Variants in FAM81A observed in about 807,000 individuals in gnomAD.
The protein encoded by FAM81A is protein FAM81A.
FAM81A carries 19 observed loss-of-function variants against 46.7 expected under a neutral mutation model. The observed-to-expected ratio is 0.41, with a 90% CI of 0.28 to 0.60. The LOEUF (loss-of-function observed/expected upper bound fraction) is 0.60, where lower values mean the gene tolerates loss of function less well. FAM81A is among the 20% of genes least tolerant of loss of function. The pLI, the probability that FAM81A is intolerant of heterozygous loss-of-function variation, is 0.34. For missense variants in FAM81A, 377 were observed against 453.5 expected (o/e 0.83, Z 1.53); for synonymous variants, 183 against 152.9 (o/e 1.20, Z -1.45).
chr15:59,411,868 T>C (rs186720934), intron 2 of FAM81A, among the ~76,000 whole-genome samples: 37 of 151,634 alleles, frequency 2.4e-4, no homozygotes, highest in African/African-American at 9.0e-4. Flanking sequence ...GAGCCGAGAC[T>C]GCACCACTGC....
chr15:59,453,972 GCCTGGGAGGC>G (rs1430435976), intron 1 of FAM81A, among the ~76,000 whole-genome samples: 3 of 152,180 alleles, frequency 2.0e-5, no homozygotes, highest in Non-Finnish European at 4.4e-5. Context: ...ACTCCTGCCT[GCCTGGGAGGC>G]CCTTGCCTTC....
At chr15:59,415,337 C>A (rs2141544470) in intron 2 of FAM81A, among the ~76,000 whole-genome samples, 1 of 152,174 alleles carries the variant, frequency 6.6e-6, no homozygotes, top group African/African-American at 2.4e-5. Flanking sequence ...CCAAGCTGGT[C>A]TTGAACTCCT....
intron 2 of FAM81A, among the ~76,000 whole-genome samples, chr15:59,415,468 A>T (rs976484560): frequency 5.9e-5 from 9 of 152,300 alleles, no homozygotes; most frequent in Non-Finnish European, 8.8e-5. Context: ...GGCCAATCTA[A>T]TCATGAGTGC....
chr15:59,439,903 C>A (rs77161023), intron 1 of FAM81A: 26,336 of 152,120 alleles, frequency 0.17, 2,383 homozygotes, highest in Middle Eastern at 0.24. Context: ...CTTTAAATGT[C>A]TTGTTTCTTG....
intron 3 of FAM81A, among the ~76,000 whole-genome samples, chr15:59,475,932 A>G (rs1299949053): frequency 6.6e-5 from 10 of 152,216 alleles, no homozygotes; most frequent in Non-Finnish European, 1.3e-4. Flanking sequence ...GCTATGACAA[A>G]TTACCATAGA....
intron 7 of FAM81A, among the ~76,000 whole-genome samples, chr15:59,515,075 T>C (rs1169419159): frequency 6.6e-6 from 1 of 151,852 alleles, no homozygotes; most frequent in Non-Finnish European, 1.5e-5. Context: ...TGAAACCCCA[T>C]CTCTACAAAA....
Position 59,428,621 on chromosome 15 carries a change from C to CTTTTTT in FAM81A, c.-78+26285_-78+26290dup, listed in dbSNP as rs1206186244. On this transcript the variant is annotated intron_variant, in intron 2 of 4. Transcript: ENST00000558348. The stretch of plus-strand genomic sequence containing the variant: ...CTACTACCTAGATCCATGTCTACTC[C>CTTTTTT]TTTTTTTTTTTTTTTTTTTTTTTTT... Among the ~76,000 whole-genome samples, 4 of 70,232 alleles carry CTTTTTT rather than the reference C, an allele frequency of 5.7e-5. 1 individual carries two copies. The highest frequency in any genetic ancestry group is 1.2e-4 in the Non-Finnish European group (4 of 33,996). 46.1% of individuals were successfully genotyped at this position (70,232 alleles called of 152,430 possible). A position where few individuals can be genotyped will look rare whatever the true frequency, so the allele number is the denominator to read the frequency against.
chr15:59,410,558 G>A (rs1249898097), intron 2 of FAM81A, among the ~76,000 whole-genome samples: 1 of 151,914 alleles, frequency 6.6e-6, no homozygotes, highest in African/African-American at 2.4e-5. Flanking sequence ...AAAAACCAGA[G>A]TGACTGAAGG....
At chr15:59,454,001 C>T (rs557450737) in intron 1 of FAM81A, among the ~76,000 whole-genome samples, 69 of 152,300 alleles carry the variant, frequency 4.5e-4, no homozygotes, top group African/African-American at 1.6e-3. Context: ...TCTGCCATCC[C>T]ACAACTTCCT....
chr15:59,456,324 G>T (rs2081483967), intron 1 of FAM81A, among the ~76,000 whole-genome samples: 1 of 152,172 alleles, frequency 6.6e-6, no homozygotes, highest in African/African-American at 2.4e-5. Flanking sequence ...GCAGGTGATT[G>T]TGGTAGGGAG....
In FAM81A at chr15:59,516,659, G is replaced by A; in HGVS notation, c.801G>A (p.Arg267=). The A allele has an allele frequency of 1.2e-6, 2 of 1,612,728 alleles. No homozygotes were observed. Among genetic ancestry groups the A allele is most frequent in the Non-Finnish European group, 1.7e-6 (2 of 1,179,504 alleles). The change falls in exon 8 of 9, where the codon AGG becomes AGA. Residue 267 remains arginine, a synonymous_variant. Coordinates refer to ENST00000288228, the MANE Select transcript of FAM81A (RefSeq NM_152450.3). ...IVKENSGASE[R]DMEKKLSQMS... is the part of the protein sequence containing the mutation. The stretch of plus-strand genomic sequence containing the variant: ...ATGGATCTCAGGGAGCCAGTGAAAG[G>A]GATATGGAGAAGAAGCTCAGCCAGA...
chr15:59,418,582 G>C (rs926442826), intron 2 of FAM81A, among the ~76,000 whole-genome samples: 3 of 152,174 alleles, frequency 2.0e-5, no homozygotes, highest in African/African-American at 7.2e-5. Flanking sequence ...TTTAGTTCAT[G>C]TATTCAGCTA....
intron 6 of FAM81A, among the ~76,000 whole-genome samples, chr15:59,509,524 G>T (rs1309012048): frequency 6.6e-6 from 1 of 152,160 alleles, no homozygotes; most frequent in Admixed American, 6.5e-5. Flanking sequence ...GATCACTAGA[G>T]TCCTTATAAG....
intron 3 of FAM81A, among the ~76,000 whole-genome samples, chr15:59,466,883 A>G (rs1470421042): frequency 3.3e-5 from 5 of 152,150 alleles, no homozygotes; most frequent in Admixed American, 6.6e-5. Flanking sequence ...TAGTTTTTGT[A>G]TAAGGTGTAA....
At chr15:59,415,759 CAA>C (rs1393307346) in intron 2 of FAM81A, among the ~76,000 whole-genome samples, 1 of 152,096 alleles carries the variant, frequency 6.6e-6, no homozygotes, top group Admixed American at 6.6e-5. Flanking sequence ...TTAATGACAG[CAA>C]AAAGAATAAT....
intron 1 of FAM81A, among the ~76,000 whole-genome samples, chr15:59,450,356 G>A (rs1219589748): frequency 1.3e-5 from 2 of 152,046 alleles, no homozygotes; most frequent in Non-Finnish European, 2.9e-5. Flanking sequence ...TAGAAAGAAT[G>A]CTACCTTAAG....
At chr15:59,451,080 AT>A (rs2081412927) in intron 1 of FAM81A, among the ~76,000 whole-genome samples, 1 of 152,220 alleles carries the variant, frequency 6.6e-6, no homozygotes, top group Non-Finnish European at 1.5e-5. Flanking sequence ...TTTGATCATC[AT>A]GTTTCAGCAT....
chr15:59,409,050 C>T (rs1246863394), intron 2 of FAM81A: 3 of 152,010 alleles, frequency 2.0e-5, no homozygotes, highest in Non-Finnish European at 4.4e-5. Flanking sequence ...AAAATTAAAA[C>T]GTCATCAAAA....
chr15:59,450,806 A>G (rs80268829), intron 1 of FAM81A, among the ~76,000 whole-genome samples: 2,934 of 152,370 alleles, frequency 0.019, 40 homozygotes, highest in Non-Finnish European at 0.03. Context: ...AACTTAGATT[A>G]TAAAGTAAAT....
Sources: allele counts gnomAD v4.1 joint callset (sites outside exome capture counted in the v4.1 genomes callset), GRCh38; gene constraint gnomAD v4.1.1; transcripts MANE v1.5; gene names NCBI Gene and HGNC (gene_info 2026-07-23, HGNC 2026-07-21).